OLA1: variants seen among roughly 807,000 people sequenced by gnomAD.
OLA1 encodes the protein obg-like ATPase 1.
Under a neutral mutation model 48.4 loss-of-function variants are expected in OLA1, and 14 were observed. The ratio of observed to expected loss-of-function variants is 0.29; its 90% CI spans 0.19 to 0.45. OLA1 has a LOEUF of 0.45. Among genes scored for constraint, OLA1 ranks in the 20% least tolerant of loss-of-function variants. OLA1 has a pLI of 1.00. For missense variants in OLA1, 325 were observed against 467.1 expected (o/e 0.70, Z 2.80); for synonymous variants, 127 against 150.4 (o/e 0.84, Z 1.14).
chr2:174,227,480 G>A (rs936858118), intron 3 of OLA1, among the ~76,000 whole-genome samples: 12 of 152,100 alleles, frequency 7.9e-5, no homozygotes, highest in African/African-American at 2.4e-4. Context: ...CTAAAGAACC[G>A]AAGTATAATA....
At position 174,189,863 on chromosome 2, in the gene OLA1, CA is replaced by C. The variant is rs754785994; in HGVS notation, c.373+33169del. On this transcript the variant is annotated intron_variant, in intron 4 of 10. Transcript: ENST00000284719. ...TTGTGGCATTATAATATAATCAGAG[CA>C]AAAAAAAAAAAAACAAAACACACAC... 7.3e-3 allele frequency among the ~76,000 whole-genome samples: 401 copies of C among 55,108 alleles called. 3 individuals are homozygous for C. Among genetic ancestry groups the C allele is most frequent in the African/African-American group, 0.025 (346 of 13,814 alleles). 36.2% of individuals were successfully genotyped at this position (55,108 alleles called of 152,430 possible).
intron 4 of OLA1, among the ~76,000 whole-genome samples, chr2:174,212,346 T>C (rs1045236767): frequency 6.6e-6 from 1 of 152,196 alleles, no homozygotes; most frequent in Non-Finnish European, 1.5e-5. Flanking sequence ...AAAAAAATCA[T>C]ACATCTGTAT....
At chr2:174,153,325 G>A (rs1686788944) in intron 4 of OLA1, among the ~76,000 whole-genome samples, 1 of 152,046 alleles carries the variant, frequency 6.6e-6, no homozygotes, top group Non-Finnish European at 1.5e-5. Flanking sequence ...CTAATTTTAA[G>A]AGTTCTCTTA....
chr2:174,239,142 TA>T (rs1455923551), intron 2 of OLA1, among the ~76,000 whole-genome samples: 1 of 152,226 alleles, frequency 6.6e-6, no homozygotes, highest in Non-Finnish European at 1.5e-5. Context: ...GGATATTTTT[TA>T]ATCACCATTT....
intron 5 of OLA1, among the ~76,000 whole-genome samples, chr2:174,132,013 G>T (rs1430898201): frequency 1.3e-5 from 2 of 151,914 alleles, no homozygotes; most frequent in Non-Finnish European, 2.9e-5. Flanking sequence ...TTATAGTAAG[G>T]TTTAAAATTA....
intron 4 of OLA1, among the ~76,000 whole-genome samples, chr2:174,211,220 CTCTT>C (rs1475679090): frequency 6.6e-6 from 1 of 151,926 alleles, no homozygotes; most frequent in Non-Finnish European, 1.5e-5. Flanking sequence ...CTCTCTCTCT[CTCTT>C]TCTCTCACTA....
intron 7 of OLA1, 84 bp downstream of exon 7, chr2:174,123,096 G>A (rs936265947): frequency 3.5e-5 from 22 of 632,836 alleles, no homozygotes; most frequent in Non-Finnish European, 5.8e-5. Context: ...ATTAAACATT[G>A]CCGTTAAGTA....
At position 174,158,582 on chromosome 2, in the gene OLA1, T is replaced by A. The variant is rs190606770; in HGVS notation, c.374-16582A>T. ...AGTTCTGACATCATCAAGACTTTAG[T>A]TAAATATGAATACATTTAATGCATC... On this transcript the variant is annotated intron_variant, in intron 4 of 10. Transcript: ENST00000284719. Among the ~76,000 whole-genome samples, 81 of 152,270 alleles carry A rather than the reference T, an allele frequency of 5.3e-4. No homozygotes were observed. The East Asian group carries it at 0.013, about 24-fold the overall frequency.
chr2:174,157,381 A>G (rs2105393576), intron 4 of OLA1, among the ~76,000 whole-genome samples: 1 of 152,338 alleles, frequency 6.6e-6, no homozygotes, highest in South Asian at 2.1e-4. Context: ...CAGTATTCAC[A>G]CAAGTTGATG....
intron 2 of OLA1, among the ~76,000 whole-genome samples, chr2:174,231,322 A>G (rs533495658): frequency 1.3e-5 from 2 of 152,358 alleles, no homozygotes; most frequent in South Asian, 4.1e-4. Flanking sequence ...ACTTAAGACA[A>G]AATTTAAATC....
At chr2:174,200,989 C>T (rs908832240) in intron 4 of OLA1, among the ~76,000 whole-genome samples, 5 of 152,110 alleles carry the variant, frequency 3.3e-5, no homozygotes, top group African/African-American at 1.2e-4. Context: ...TTCAAAGAAA[C>T]CTACACCAAA....
chr2:174,109,488 G>C (rs1004335886), intron 7 of OLA1, among the ~76,000 whole-genome samples: 1 of 152,202 alleles, frequency 6.6e-6, no homozygotes, highest in Non-Finnish European at 1.5e-5. Flanking sequence ...ATTTCAACCA[G>C]ATATGGCTTT....
intron 9 of OLA1, among the ~76,000 whole-genome samples, chr2:174,079,853 G>C (rs1344508640): frequency 6.6e-6 from 1 of 151,872 alleles, no homozygotes; most frequent in Non-Finnish European, 1.5e-5. Context: ...GATGTATTGG[G>C]TTAATATAGC....
chr2:174,113,820 G>C (rs1194117009), intron 7 of OLA1, among the ~76,000 whole-genome samples: 1 of 152,060 alleles, frequency 6.6e-6, no homozygotes, highest in Non-Finnish European at 1.5e-5. Context: ...AGGTCAAATG[G>C]ATCTATTTCT....
chr2:174,229,026 G>T (rs886405500), intron 3 of OLA1, among the ~76,000 whole-genome samples: 1 of 152,076 alleles, frequency 6.6e-6, no homozygotes. Context: ...ACAGGCACCT[G>T]CCACCACACC....
At position 174,091,130 on chromosome 2, in the gene OLA1, G is replaced by C. The variant is rs1303171975; in HGVS notation, c.729-9066C>G. Among the ~76,000 whole-genome samples, 4 of 152,308 alleles carry C rather than the reference G, an allele frequency of 2.6e-5. No individual in the cohort carries two copies. The East Asian group carries it at 7.7e-4, about 29-fold the overall frequency. ...AATATTTTCTAAATAGATAATAAGG[G>C]GGAAAGAGTCTCAGCTAATACCTAG... is the stretch of plus-strand genomic sequence containing the variant. On this transcript the variant is annotated intron_variant, in intron 7 of 10. Transcript: ENST00000284719.
chr2:174,214,722 A>G (rs1688322454), intron 4 of OLA1, among the ~76,000 whole-genome samples: 1 of 152,188 alleles, frequency 6.6e-6, no homozygotes, highest in Admixed American at 6.5e-5. Context: ...TTAGTTCAAA[A>G]TTTAGTTTGG....
At chr2:174,232,535 A>G in intron 2 of OLA1, among the ~76,000 whole-genome samples, 1 of 152,206 alleles carries the variant, frequency 6.6e-6, no homozygotes, top group Non-Finnish European at 1.5e-5. Flanking sequence ...AGCAGCAATG[A>G]TCACACCTAG....
chr2:174,248,225 G>C (rs761373541), intron 1 of OLA1: 60 of 158,508 alleles, frequency 3.8e-4, no homozygotes, highest in Non-Finnish European at 7.6e-4. Flanking sequence ...GCGTCCTGGC[G>C]TCGGGAGAAG....
Sources: allele counts gnomAD v4.1 joint callset (sites outside exome capture counted in the v4.1 genomes callset), GRCh38; gene constraint gnomAD v4.1.1; transcripts MANE v1.5; gene names NCBI Gene and HGNC (gene_info 2026-07-23, HGNC 2026-07-21).